The following NRXN1 variants were observed in gnomAD, a reference collection of about 807,000 sequenced individuals.
NRXN1 encodes the protein neurexin 1, also known as neurexin-1.
In NRXN1, 39 loss-of-function variants were observed where a neutral mutation model predicts 150.9. The ratio of observed to expected loss-of-function variants is 0.26; its 90% CI spans 0.20 to 0.34. The LOEUF (loss-of-function observed/expected upper bound fraction) is 0.34, where lower values mean the gene tolerates loss of function less well. Among genes scored for constraint, NRXN1 ranks in the 10% least tolerant of loss-of-function variants. The probability of loss-of-function intolerance (pLI) is 1.00; values close to 1 mark genes in which losing one functional copy is unlikely to be tolerated. For missense variants in NRXN1, 1,815 were observed against 1,949.9 expected (o/e 0.93, Z 1.30); for synonymous variants, 924 against 757.0 (o/e 1.22, Z -3.62).
chr2:50,195,966 T>C (rs1313198464), intron 18 of NRXN1, among the ~76,000 whole-genome samples: 22 of 152,118 alleles, frequency 1.4e-4, no homozygotes, highest in Admixed American at 1.4e-3. Flanking sequence ...TTATTTTTTA[T>C]TTTTTAATTT....
At chr2:50,534,303 G>C (rs921080835) in intron 10 of NRXN1, among the ~76,000 whole-genome samples, 13 of 152,248 alleles carry the variant, frequency 8.5e-5, no homozygotes, top group African/African-American at 3.1e-4. Context: ...CAGAAGATAG[G>C]CTAGGGAAGT....
In NRXN1 at chr2:50,829,496, G is replaced by C. The variant is rs562557695; in HGVS notation, c.832+92373C>G. On this transcript the variant is annotated intron_variant, in intron 5 of 22. Transcript: ENST00000401669. ...GGGAGCCTATAATAATGAGAAAGGC[G>C]CGAATCAAAAACAGCACAGTGGCAA... 1.6e-5 allele frequency: 25 copies of C among 1,595,158 alleles called. No individual in the cohort carries two copies. In the Admixed American group the frequency reaches 3.8e-4, roughly 24 times the overall value.
chr2:50,706,318 T>G (rs1694431482), intron 5 of NRXN1, among the ~76,000 whole-genome samples: 1 of 152,182 alleles, frequency 6.6e-6, no homozygotes, highest in South Asian at 2.1e-4. Context: ...CTGTTCTGAG[T>G]TTGAGAAGAC....
At chr2:50,482,412 T>G (rs983547661) in intron 15 of NRXN1, among the ~76,000 whole-genome samples, 1 of 152,150 alleles carries the variant, frequency 6.6e-6, no homozygotes, top group Non-Finnish European at 1.5e-5. Context: ...ACAGTTTCAG[T>G]TTTTTCCTTT....
intron 8 of NRXN1, chr2:50,619,711 A>T (rs1679649136): frequency 5.0e-6 from 2 of 399,776 alleles, no homozygotes; most frequent in Non-Finnish European, 4.4e-6. Flanking sequence ...TAAGCAAGTA[A>T]ACCATTTAGC....
At chr2:50,489,437 G>C (rs2104849873) in intron 15 of NRXN1, among the ~76,000 whole-genome samples, 1 of 152,154 alleles carries the variant, frequency 6.6e-6, no homozygotes, top group South Asian at 2.1e-4. Flanking sequence ...TCAGTGTGTT[G>C]CTGCAGGTTG....
At chr2:49,999,727 A>G (rs754367179) in intron 21 of NRXN1, among the ~76,000 whole-genome samples, 1 of 152,178 alleles carries the variant, frequency 6.6e-6, no homozygotes, top group Non-Finnish European at 1.5e-5. Context: ...ACCACACCTC[A>G]TAGAACACAC....
At chr2:50,781,061 T>C (rs1704290582) in intron 5 of NRXN1, among the ~76,000 whole-genome samples, 1 of 152,198 alleles carries the variant, frequency 6.6e-6, no homozygotes, top group Non-Finnish European at 1.5e-5. Flanking sequence ...AGAGATGAAG[T>C]TCATTACTTG....
intron 17 of NRXN1, among the ~76,000 whole-genome samples, chr2:50,350,890 T>C (rs1481810689): frequency 6.6e-6 from 1 of 152,154 alleles, no homozygotes; most frequent in Admixed American, 6.5e-5. Flanking sequence ...AGCTGTAGTC[T>C]TCCAGGCAGA....
At chr2:50,809,428 T>C (rs750550380) in intron 5 of NRXN1, among the ~76,000 whole-genome samples, 19 of 152,104 alleles carry the variant, frequency 1.2e-4, no homozygotes, top group Non-Finnish European at 1.6e-4. Flanking sequence ...GGTGCTTTCC[T>C]AGAGAGAAAA....
intron 16 of NRXN1, among the ~76,000 whole-genome samples, chr2:50,469,175 G>T (rs1272286557): frequency 6.6e-6 from 1 of 151,502 alleles, no homozygotes; most frequent in African/African-American, 2.4e-5. Context: ...GAAACCCTGG[G>T]GGTTGTAATC....
intron 2 of NRXN1, among the ~76,000 whole-genome samples, chr2:50,947,278 G>T (rs1431405422): frequency 6.6e-6 from 1 of 151,888 alleles, no homozygotes; most frequent in Non-Finnish European, 1.5e-5. Flanking sequence ...CATGTACTAC[G>T]CATTCAATAA....
At chr2:50,443,141 G>C (rs1436749441) in intron 17 of NRXN1, among the ~76,000 whole-genome samples, 2 of 152,046 alleles carry the variant, frequency 1.3e-5, no homozygotes, top group African/African-American at 2.4e-5. Flanking sequence ...TTTAAGGTTA[G>C]GTCAAGAGAA....
At chr2:49,963,343 C>T (rs754669008) in intron 21 of NRXN1, among the ~76,000 whole-genome samples, 37 of 152,102 alleles carry the variant, frequency 2.4e-4, no homozygotes, top group Non-Finnish European at 5.1e-4. Flanking sequence ...ACAGTAGATG[C>T]CACTAGCAGA....
chr2:49,958,345 C>T (rs1179902118), intron 21 of NRXN1, among the ~76,000 whole-genome samples: 1 of 152,108 alleles, frequency 6.6e-6, no homozygotes, highest in Non-Finnish European at 1.5e-5. Context: ...ATAAACATCA[C>T]TTACATAACA....
At chr2:50,458,746 A>AT (rs1322319752) in intron 17 of NRXN1, among the ~76,000 whole-genome samples, 1 of 151,638 alleles carries the variant, frequency 6.6e-6, no homozygotes, top group Non-Finnish European at 1.5e-5. Flanking sequence ...GGCCCAGCTA[A>AT]TTTTTTTGTA....
chr2:50,924,354 C>T (rs62142985), intron 3 of NRXN1, among the ~76,000 whole-genome samples: 13,195 of 151,570 alleles, frequency 0.087, 642 homozygotes, highest in South Asian at 0.12. Context: ...ATTACAATAG[C>T]TTATGGGCCT....
At chr2:50,788,259 T>G (rs1705420392) in intron 5 of NRXN1, among the ~76,000 whole-genome samples, 1 of 151,924 alleles carries the variant, frequency 6.6e-6, no homozygotes, top group African/African-American at 2.4e-5. Context: ...GTTAATTTTT[T>G]TTGTATTTTT....
chr2:50,470,013 A>G (rs2089303953), intron 16 of NRXN1, among the ~76,000 whole-genome samples: 1 of 151,502 alleles, frequency 6.6e-6, no homozygotes, highest in African/African-American at 2.4e-5. Context: ...CTCACATTAC[A>G]TACCAGTGGT....
Sources: allele counts gnomAD v4.1 joint callset (sites outside exome capture counted in the v4.1 genomes callset), GRCh38; gene constraint gnomAD v4.1.1; transcripts MANE v1.5; gene names NCBI Gene and HGNC (gene_info 2026-07-23, HGNC 2026-07-21).